Variants in GAB2 observed in about 807,000 individuals in gnomAD.
GAB2 encodes the protein GRB2 associated binding protein 2.
GAB2 carries 26 observed loss-of-function variants against 65.5 expected under a neutral mutation model. That is an observed-to-expected ratio of 0.40 (90% CI 0.29 to 0.55). The LOEUF is 0.55. GAB2 is among the 20% of genes least tolerant of loss of function. The pLI is 0.53. For synonymous variants in GAB2, 321 were observed against 329.6 expected (o/e 0.97, Z 0.28); for missense variants, 884 against 875.8 (o/e 1.01, Z -0.12).
intron 1 of GAB2, among the ~76,000 whole-genome samples, chr11:78,376,206 G>T (rs983047174): frequency 1.3e-5 from 2 of 152,176 alleles, no homozygotes; most frequent in Non-Finnish European, 2.9e-5. Context: ...TGAGAGCTAA[G>T]TACCTACATC....
intron 1 of GAB2, among the ~76,000 whole-genome samples, chr11:78,405,538 CTA>C (rs1272102478): frequency 1.3e-5 from 2 of 152,152 alleles, no homozygotes; most frequent in Non-Finnish European, 2.9e-5. Flanking sequence ...CACTACTATA[CTA>C]TATGTTTACT....
chr11:78,231,263 A>G (rs1269056739), intron 3 of GAB2, among the ~76,000 whole-genome samples: 2 of 151,810 alleles, frequency 1.3e-5, no homozygotes, highest in Non-Finnish European at 2.9e-5. Flanking sequence ...TTCCTGGCCA[A>G]TGGCTCTTCC....
intron 1 of GAB2, among the ~76,000 whole-genome samples, chr11:78,330,128 G>A (rs562051287): frequency 1.3e-5 from 2 of 152,142 alleles, no homozygotes; most frequent in Admixed American, 1.3e-4. Context: ...CCATACCCGA[G>A]ACCACAGCTA....
intron 1 of GAB2, among the ~76,000 whole-genome samples, chr11:78,406,324 A>G (rs914589511): frequency 4.0e-4 from 61 of 152,296 alleles, no homozygotes; most frequent in Non-Finnish European, 6.6e-4. Flanking sequence ...CAGATAAAAC[A>G]CAAGGTTTAA....
At chr11:78,309,784 A>C (rs1200630334) in intron 1 of GAB2, among the ~76,000 whole-genome samples, 1 of 152,156 alleles carries the variant, frequency 6.6e-6, no homozygotes, top group Non-Finnish European at 1.5e-5. Flanking sequence ...CTCAGGATAT[A>C]GAGAGTAACA....
chr11:78,295,450 AT>A (rs1866799677), intron 1 of GAB2, among the ~76,000 whole-genome samples: 1 of 152,108 alleles, frequency 6.6e-6, no homozygotes, highest in African/African-American at 2.4e-5. Flanking sequence ...TGTCTTTTCC[AT>A]TAGCACTTAC....
rs565736462 is a variant in GAB2 at position 78,247,416 on chromosome 11, C to T, written c.620+2741G>A. ...CTTCACCTATTATATCCTTTACCCA[C>T]AATAGATTAAAAAATTAACATAATT... On this transcript the variant is annotated intron_variant, in intron 3 of 9. Transcript: ENST00000361507. 1.2e-3 allele frequency among the ~76,000 whole-genome samples: 179 copies of T among 152,248 alleles called. 1 individual carries two copies. The highest frequency in any genetic ancestry group is 4.1e-3 in the African/African-American group (169 of 41,548).
intron 1 of GAB2, among the ~76,000 whole-genome samples, chr11:78,360,085 G>C (rs1856413593): frequency 6.6e-6 from 1 of 152,140 alleles, no homozygotes; most frequent in Admixed American, 6.5e-5. Flanking sequence ...AGAGATTGGA[G>C]TGATGCAACC....
intron 1 of GAB2, among the ~76,000 whole-genome samples, chr11:78,384,102 C>T (rs1012803937): frequency 6.6e-6 from 1 of 152,170 alleles, no homozygotes; most frequent in Non-Finnish European, 1.5e-5. Context: ...TGTACCAAAC[C>T]TGCACTCTCA....
intron 3 of GAB2, among the ~76,000 whole-genome samples, chr11:78,227,631 C>CAAAAAAAAAAAAAAAAAAAA (rs55716895): frequency 2.5e-4 from 27 of 106,094 alleles, no homozygotes; most frequent in African/African-American, 7.6e-4. Flanking sequence ...CCATTGCCAC[C>CAAAAAAAAAAAAAAAAAAAA]AAAAAAAAAA....
chr11:78,355,093 C>T (rs1856338287), intron 1 of GAB2, among the ~76,000 whole-genome samples: 1 of 152,184 alleles, frequency 6.6e-6, no homozygotes, highest in African/African-American at 2.4e-5. Context: ...ACTTAAAGAT[C>T]AGGAGTGAAG....
chr11:78,296,224 T>C (rs1866820448), intron 1 of GAB2, among the ~76,000 whole-genome samples: 1 of 152,204 alleles, frequency 6.6e-6, no homozygotes, highest in Non-Finnish European at 1.5e-5. Flanking sequence ...CAGGCCAGAC[T>C]GGTAAGGGTC....
chr11:78,405,353 C>T (rs1398467281), intron 1 of GAB2, among the ~76,000 whole-genome samples: 1 of 152,120 alleles, frequency 6.6e-6, no homozygotes, highest in Non-Finnish European at 1.5e-5. Flanking sequence ...CCTGCCTCGG[C>T]CTCCCAAAGT....
intron 1 of GAB2, among the ~76,000 whole-genome samples, chr11:78,357,662 A>G (rs924967054): frequency 6.6e-6 from 1 of 152,138 alleles, no homozygotes; most frequent in Non-Finnish European, 1.5e-5. Context: ...ACACTTCTCA[A>G]AAGACATTTA....
chr11:78,378,615 C>G (rs1856661636), intron 1 of GAB2, among the ~76,000 whole-genome samples: 1 of 152,124 alleles, frequency 6.6e-6, no homozygotes, highest in South Asian at 2.1e-4. Flanking sequence ...TCTTTGTAAG[C>G]CTAGGATCAG....
At chr11:78,271,165 G>A (rs371383200) in intron 2 of GAB2, among the ~76,000 whole-genome samples, 14 of 152,224 alleles carry the variant, frequency 9.2e-5, no homozygotes, top group African/African-American at 2.9e-4. Context: ...GGCTCTTTTT[G>A]TGTGTAGTAC....
chr11:78,232,331 C>T (rs993489896), intron 3 of GAB2, among the ~76,000 whole-genome samples: 1 of 152,298 alleles, frequency 6.6e-6, no homozygotes, highest in Non-Finnish European at 1.5e-5. Flanking sequence ...CTTTTCAGGG[C>T]ATGTGACTCA....
At chr11:78,309,971 T>C (rs577478307) in intron 1 of GAB2, among the ~76,000 whole-genome samples, 12,103 of 120,028 alleles carry the variant, frequency 0.1, 699 homozygotes, top group African/African-American at 0.22. Context: ...TGTGTGTGTG[T>C]GCGCGCGCGC....
chr11:78,267,624 C>T (rs976758943), intron 2 of GAB2, among the ~76,000 whole-genome samples: 4 of 151,722 alleles, frequency 2.6e-5, no homozygotes, highest in Admixed American at 1.3e-4. Flanking sequence ...TTTGGGAGGT[C>T]GAGGCGGGTA....
Sources: gnomAD v4.1 joint callset for allele counts (sites outside exome capture counted in the v4.1 genomes callset) on GRCh38, gnomAD v4.1.1 for gene constraint, MANE v1.5 for transcripts, NCBI Gene and HGNC (gene_info 2026-07-23, HGNC 2026-07-21) for gene names.